KLHL5: variants seen among roughly 807,000 people sequenced by gnomAD.
KLHL5 encodes the protein kelch like family member 5.
A neutral mutation model predicts 77.7 loss-of-function variants in KLHL5; 48 were observed. That is an observed-to-expected ratio of 0.62 (90% confidence interval 0.49 to 0.79). The LOEUF is 0.79. Ranked by LOEUF, KLHL5 falls within the 30% of genes least tolerant of loss-of-function variation. The pLI is 0.00. For synonymous variants in KLHL5, 260 were observed against 297.0 expected (o/e 0.88, Z 1.28); for missense variants, 723 against 859.7 (o/e 0.84, Z 1.99).
chr4:39,048,633 A>G (rs1268208428), intron 1 of KLHL5, among the ~76,000 whole-genome samples: 1 of 94,680 alleles, frequency 1.1e-5, no homozygotes, highest in African/African-American at 4.5e-5. Flanking sequence ...GTGATTTTAC[A>G]TTGGCTTTTT....
chr4:39,064,201 T>C (rs1285123236), intron 1 of KLHL5, among the ~76,000 whole-genome samples: 1 of 152,158 alleles, frequency 6.6e-6, no homozygotes, highest in African/African-American at 2.4e-5. Context: ...ATGTTTACTC[T>C]AGTCATCTGT....
Position 39,126,176 on chromosome 4 carries a change from T to C in KLHL5, c.*5110T>C, listed in dbSNP as rs972587493. On this transcript the variant is annotated 3_prime_UTR_variant, in exon 11 of 11. Coordinates refer to ENST00000504108, the MANE Select transcript of KLHL5 (RefSeq NM_015990.5). ...ATGAACTCTGTAATATTTGAAATTA[T>C]TGATAACTCTTACACAAAAACAAAT... Among the ~76,000 whole-genome samples, 2 of 152,222 alleles carry C rather than the reference T, an allele frequency of 1.3e-5. No homozygotes were observed. The highest frequency in any genetic ancestry group is 4.8e-5 in the African/African-American group (2 of 41,456).
chr4:39,071,572 T>A (rs1718482373), intron 1 of KLHL5, among the ~76,000 whole-genome samples: 1 of 152,222 alleles, frequency 6.6e-6, no homozygotes, highest in Non-Finnish European at 1.5e-5. Flanking sequence ...TTAGAGTTGC[T>A]ATTTCACTTT....
In KLHL5 at chr4:39,086,671, C is replaced by T. The variant is rs760659949; in HGVS notation, c.1057C>T (p.Arg353Trp). Residue 353 changes from arginine (R) to tryptophan (W), a missense_variant, in exon 5 of 11, where the codon CGG becomes TGG. Coordinates refer to ENST00000504108, the MANE Select transcript of KLHL5 (RefSeq NM_015990.5). ...GGTCCGTCATGATTTGGAACAGAGA[C>T]GGAAAGATCTAAGTAAACTTTTGGC... ...TWVRHDLEQR[R>W]KDLSKLLAYI... 14 of 1,613,780 alleles carry T rather than the reference C, an allele frequency of 8.7e-6. No homozygotes were observed. The highest frequency in any genetic ancestry group is 2.7e-5 in the African/African-American group (2 of 74,900).
the KLHL5 span, among the ~76,000 whole-genome samples, chr4:39,132,075 T>A: frequency 6.6e-6 from 1 of 151,994 alleles, no homozygotes; most frequent in South Asian, 2.1e-4. Flanking sequence ...GGTGGGAAGA[T>A]CCTATTTCTA....
intron 7 of KLHL5, 77 bp downstream of exon 7, chr4:39,103,588 G>C: frequency 8.4e-7 from 1 of 1,184,688 alleles, no homozygotes; most frequent in Non-Finnish European, 1.2e-6. Flanking sequence ...CCAGGCAGAG[G>C]ACCCGTGTGG....
chr4:39,128,599 A>T (rs1443028827), downstream of KLHL5, among the ~76,000 whole-genome samples: 1 of 152,242 alleles, frequency 6.6e-6, no homozygotes, highest in African/African-American at 2.4e-5. Flanking sequence ...AAAGACTGCC[A>T]GCAGAATAAA....
At chr4:39,072,366 TAAAG>T (rs879714029) in intron 1 of KLHL5, among the ~76,000 whole-genome samples, 6 of 152,148 alleles carry the variant, frequency 3.9e-5, no homozygotes, top group Admixed American at 2.0e-4. Flanking sequence ...GTTTTGCTGT[TAAAG>T]AAAGTAAGCC....
chr4:39,069,557 TATATATATATAA>T (rs2109320763), intron 1 of KLHL5, among the ~76,000 whole-genome samples: 1 of 48,240 alleles, frequency 2.1e-5, no homozygotes, highest in African/African-American at 7.3e-5. Context: ...TATATATATA[TATATATATATAA>T]ACCATAGAGC....
At chr4:39,117,713 G>A (rs1056576448) in intron 10 of KLHL5, among the ~76,000 whole-genome samples, 2 of 152,144 alleles carry the variant, frequency 1.3e-5, no homozygotes, top group Non-Finnish European at 2.9e-5. Flanking sequence ...ATGAAGATTT[G>A]TCATTTTTAA....
At chr4:39,074,247 C>G (rs1718789319) in intron 1 of KLHL5, among the ~76,000 whole-genome samples, 1 of 152,100 alleles carries the variant, frequency 6.6e-6, no homozygotes, top group East Asian at 1.9e-4. Context: ...GGGCATTTAT[C>G]TGATGCCCAT....
chr4:39,130,991 C>T (rs1723778959), downstream of KLHL5, among the ~76,000 whole-genome samples: 1 of 150,556 alleles, frequency 6.6e-6, no homozygotes, highest in Non-Finnish European at 1.5e-5. Context: ...TACAGGCATG[C>T]ACTACCATGC....
At chr4:39,112,819 T>C in intron 8 of KLHL5, 1 of 526,992 alleles carries the variant, frequency 1.9e-6, no homozygotes, top group East Asian at 3.2e-5. Flanking sequence ...GTTTTCCTTT[T>C]CATGTATATA....
upstream of KLHL5, among the ~76,000 whole-genome samples, chr4:39,057,832 G>A (rs1347550668): frequency 6.6e-6 from 1 of 152,110 alleles, no homozygotes; most frequent in African/African-American, 2.4e-5. Flanking sequence ...TATGTGAAGA[G>A]AGATTGATGT....
At chr4:39,115,614 C>A in intron 10 of KLHL5, 1 of 1,401,622 alleles carries the variant, frequency 7.1e-7, no homozygotes, top group African/African-American at 1.5e-5. Flanking sequence ...GATAGGACTA[C>A]TGGAGGGCTG....
At chr4:39,102,557 A>T (rs922362165) in intron 6 of KLHL5, among the ~76,000 whole-genome samples, 5 of 151,796 alleles carry the variant, frequency 3.3e-5, no homozygotes, top group African/African-American at 1.2e-4. Context: ...TATGCCCTGG[A>T]TACTGTGCTT....
At position 39,120,987 on chromosome 4, in the gene KLHL5, A is replaced by G. The variant is rs1327097042; in HGVS notation, c.2074-23A>G. 3 of 1,589,952 alleles carry G rather than the reference A, an allele frequency of 1.9e-6. No individual in the cohort carries two copies. The African/African-American group carries it at 4.0e-5, about 21-fold the overall frequency. On this transcript the variant is annotated intron_variant, in intron 10 of 10. Transcript: ENST00000504108. ...TGACATTTTAACCTACAGATCCAAT[A>G]CATATCTCTTTTTCCTTTTTAGGTT...
chr4:39,119,409 A>T (rs972745549), intron 10 of KLHL5, among the ~76,000 whole-genome samples: 21 of 152,132 alleles, frequency 1.4e-4, no homozygotes, highest in African/African-American at 5.1e-4. Context: ...AACATGGTAA[A>T]GCCCTGTCTC....
Position 39,096,783 on chromosome 4 carries a change from C to A in KLHL5, c.1205C>A (p.Pro402Gln). The A allele has an allele frequency of 6.2e-7, 1 of 1,613,222 alleles. No homozygotes were observed. The highest frequency in any genetic ancestry group is 1.1e-5 in the South Asian group (1 of 91,072). ...GAAGCAATGAAGTACCATTTATTAC[C>A]AGAGAGACGACCCATGTTACAAAGT... Reference protein sequence around the residue: ...IMEAMKYHLLPERRPMLQSPR... With the variant: ...IMEAMKYHLLQERRPMLQSPR... Residue 402 changes from proline to glutamine, a missense_variant, in exon 6 of 11, where the codon CCA becomes CAA. Coordinates refer to ENST00000504108, the MANE Select transcript of KLHL5 (RefSeq NM_015990.5).
Sources: allele counts gnomAD v4.1 joint callset (sites outside exome capture counted in the v4.1 genomes callset), GRCh38; gene constraint gnomAD v4.1.1; transcripts MANE v1.5; gene names NCBI Gene and HGNC (gene_info 2026-07-23, HGNC 2026-07-21).